Variants in CNTNAP2 observed in about 807,000 individuals in gnomAD.
CNTNAP2 encodes the protein contactin associated protein 2.
A neutral mutation model predicts 155.2 loss-of-function variants in CNTNAP2; 98 were observed. The ratio of observed to expected loss-of-function variants is 0.63; its 90% confidence interval spans 0.54 to 0.75. CNTNAP2 has a LOEUF of 0.75. Ranked by LOEUF, CNTNAP2 falls within the 30% of genes least tolerant of loss-of-function variation. The probability of loss-of-function intolerance (pLI) is 0.00; values close to 1 mark genes in which losing one functional copy is unlikely to be tolerated. For synonymous variants in CNTNAP2, 651 were observed against 631.2 expected (o/e 1.03, Z -0.47); for missense variants, 1,727 against 1,688.1 (o/e 1.02, Z -0.40).
At chr7:146,523,133 T>C (rs62484461) in intron 1 of CNTNAP2, among the ~76,000 whole-genome samples, 57,020 of 151,706 alleles carry the variant, frequency 0.38, 11,147 homozygotes, top group East Asian at 0.51. Context: ...TTGTCCTTTA[T>C]CCCTTGCTCC....
chr7:148,262,817 A>AAATTGCAG (rs1796587838), intron 20 of CNTNAP2, among the ~76,000 whole-genome samples: 1 of 152,108 alleles, frequency 6.6e-6, no homozygotes, highest in South Asian at 2.1e-4. Context: ...TATTCAGACA[A>AAATTGCAG]AATTGCAGAA....
chr7:146,692,747 T>C (rs1800718604), intron 1 of CNTNAP2, among the ~76,000 whole-genome samples: 1 of 152,124 alleles, frequency 6.6e-6, no homozygotes, highest in African/African-American at 2.4e-5. Context: ...TCTGTAGCTA[T>C]CTGAGATAGA....
At chr7:147,485,425 G>A (rs1462599420) in intron 10 of CNTNAP2, among the ~76,000 whole-genome samples, 2 of 152,124 alleles carry the variant, frequency 1.3e-5, no homozygotes, top group Admixed American at 6.6e-5. Context: ...GGAAATAGGT[G>A]TTTGGGAGAC....
At chr7:146,720,937 C>A (rs1490202964) in intron 1 of CNTNAP2, among the ~76,000 whole-genome samples, 1 of 134,536 alleles carries the variant, frequency 7.4e-6, no homozygotes, top group African/African-American at 2.9e-5. Context: ...TATATATATA[C>A]TTTCTCTATA....
intron 1 of CNTNAP2, among the ~76,000 whole-genome samples, chr7:146,635,806 T>TG (rs528528175): frequency 2.0e-5 from 3 of 146,952 alleles, no homozygotes; most frequent in African/African-American, 7.5e-5. Context: ...GACTCATCTC[T>TG]AAAAAAAAAA....
chr7:146,237,238 G>A (rs1204481644), intron 1 of CNTNAP2, among the ~76,000 whole-genome samples: 1 of 152,116 alleles, frequency 6.6e-6, no homozygotes, highest in Non-Finnish European at 1.5e-5. Flanking sequence ...TGTAGGCAGA[G>A]TTGATACAAA....
In CNTNAP2 at chr7:146,880,877, TACTA is replaced by T. The variant is rs905563313; in HGVS notation, c.402+40977_402+40980del. Among the ~76,000 whole-genome samples the T allele has an allele frequency of 4.8e-4, 73 of 152,296 alleles. 1 individual carries two copies. Among genetic ancestry groups the T allele is most frequent in the Middle Eastern group, 6.8e-3 (2 of 294 alleles). On this transcript the variant is annotated intron_variant, in intron 3 of 23. Transcript: ENST00000361727. ...TATCCTCATTAGATTCACAAGGACTTACTAACTTCAGAAATGTCTTCAGAGATGT... is the reference window on the plus strand; with the variant it reads ...TATCCTCATTAGATTCACAAGGACTTACTTCAGAAATGTCTTCAGAGATGT...
At chr7:148,191,273 T>C (rs1425563308) in intron 18 of CNTNAP2, among the ~76,000 whole-genome samples, 6 of 152,112 alleles carry the variant, frequency 3.9e-5, no homozygotes, top group African/African-American at 9.6e-5. Flanking sequence ...TCTCTCTCTC[T>C]CCCTCTCCTC....
At chr7:146,137,862 A>T (rs561266238) in intron 1 of CNTNAP2, among the ~76,000 whole-genome samples, 1 of 151,932 alleles carries the variant, frequency 6.6e-6, no homozygotes, top group Non-Finnish European at 1.5e-5. Flanking sequence ...AAAAATAAAC[A>T]TGTAGAAAAG....
intron 15 of CNTNAP2, among the ~76,000 whole-genome samples, chr7:148,037,264 C>G (rs1033426521): frequency 1.3e-5 from 2 of 152,104 alleles, no homozygotes; most frequent in Non-Finnish European, 2.9e-5. Flanking sequence ...CAAACTATGT[C>G]GAAATCCTTC....
At chr7:146,646,427 A>T (rs1018926106) in intron 1 of CNTNAP2, among the ~76,000 whole-genome samples, 4 of 152,206 alleles carry the variant, frequency 2.6e-5, no homozygotes, top group Admixed American at 2.6e-4. Flanking sequence ...TCAGGTATAA[A>T]TAAATCTGTA....
intron 11 of CNTNAP2, among the ~76,000 whole-genome samples, chr7:147,492,457 CAA>C (rs1798626605): frequency 6.6e-6 from 1 of 152,108 alleles, no homozygotes; most frequent in Admixed American, 6.5e-5. Flanking sequence ...TAGTACATGA[CAA>C]GAAGTTTATT....
At chr7:147,661,287 C>G (rs902974608) in intron 13 of CNTNAP2, among the ~76,000 whole-genome samples, 4 of 151,698 alleles carry the variant, frequency 2.6e-5, no homozygotes, top group African/African-American at 9.7e-5. Flanking sequence ...TTCTAAAATT[C>G]TTGAATTTTA....
intron 13 of CNTNAP2, among the ~76,000 whole-genome samples, chr7:147,743,686 A>G (rs1796992650): frequency 1.6e-5 from 1 of 61,674 alleles, no homozygotes; most frequent in South Asian, 1.1e-3. Context: ...GACCTCTCAT[A>G]TTTTTTGTGA....
chr7:146,603,380 C>A (rs1222703748), intron 1 of CNTNAP2, among the ~76,000 whole-genome samples: 3 of 150,376 alleles, frequency 2.0e-5, no homozygotes, highest in African/African-American at 7.3e-5. Context: ...CCACTGCACT[C>A]CAGCCTGGGG....
intron 10 of CNTNAP2, among the ~76,000 whole-genome samples, chr7:147,465,433 T>C (rs947144586): frequency 7.2e-5 from 11 of 152,218 alleles, no homozygotes; most frequent in African/African-American, 2.4e-4. Flanking sequence ...TGTGTTCTCA[T>C]AGGGAGATTT....
chr7:147,827,350 C>A (rs1798470159), intron 13 of CNTNAP2, among the ~76,000 whole-genome samples: 1 of 152,056 alleles, frequency 6.6e-6, no homozygotes, highest in South Asian at 2.1e-4. Context: ...CCAGTTAATC[C>A]CTAGGAACCA....
intron 10 of CNTNAP2, among the ~76,000 whole-genome samples, chr7:147,420,875 T>A (rs1416508800): frequency 6.6e-6 from 1 of 152,184 alleles, no homozygotes; most frequent in Non-Finnish European, 1.5e-5. Flanking sequence ...TGTGTCAATG[T>A]TTGTAATCTA....
chr7:146,817,887 T>A (rs1477974446), intron 2 of CNTNAP2, among the ~76,000 whole-genome samples: 5 of 152,034 alleles, frequency 3.3e-5, no homozygotes. Flanking sequence ...AATACTAAAA[T>A]TTAAAGATTA....
Sources: allele counts gnomAD v4.1 joint callset (sites outside exome capture counted in the v4.1 genomes callset), GRCh38; gene constraint gnomAD v4.1.1; transcripts MANE v1.5; gene names NCBI Gene and HGNC (gene_info 2026-07-23, HGNC 2026-07-21).